Variants in NSUN7 observed in about 807,000 individuals in gnomAD.
NSUN7 encodes protein NSUN7.
NSUN7 carries 39 observed loss-of-function variants against 58.5 expected under a neutral mutation model. The ratio of observed to expected loss-of-function variants is 0.67; its 90% CI spans 0.52 to 0.87. The LOEUF is 0.87. Ranked by LOEUF, NSUN7 falls within the 40% of genes least tolerant of loss-of-function variation. The pLI is 0.00. For missense variants in NSUN7, 765 were observed against 844.1 expected (o/e 0.91, Z 1.16); for synonymous variants, 278 against 303.7 (o/e 0.92, Z 0.88).
intron 7 of NSUN7, 63 bp from the exon 8 acceptor site, chr4:40,790,539 C>A: frequency 9.7e-7 from 1 of 1,035,926 alleles, no homozygotes; most frequent in Non-Finnish European, 1.4e-6. Flanking sequence ...TAGATACAAT[C>A]ACATACTACA....
In NSUN7 at chr4:40,774,894, C is replaced by A; in HGVS notation, c.769C>A (p.Leu257Ile). 7.6e-7 allele frequency: 1 copy of A among 1,310,758 alleles called. No individual in the cohort carries two copies. The highest frequency in any genetic ancestry group is 1.1e-6 in the Non-Finnish European group (1 of 906,740). 81.2% of individuals were successfully genotyped at this position (1,310,758 alleles called of 1,614,324 possible). A position where few individuals can be genotyped will look rare whatever the true frequency, so the allele number is the denominator to read the frequency against. ...TGATGTCTTAATTTTTCCATCTCAT[C>A]TTAAAAATGATCTTATAAATATAGA... ...CYDVLIFPSHLKNDLINIDLF... is the reference protein window; with the variant it reads ...CYDVLIFPSHIKNDLINIDLF... Residue 257 changes from leucine (L) to isoleucine (I), a missense_variant, in exon 6 of 12, where the codon CTT (leucine) becomes ATT (isoleucine). Coordinates refer to ENST00000381782, the MANE Select transcript of NSUN7 (RefSeq NM_024677.6).
intron 7 of NSUN7, among the ~76,000 whole-genome samples, chr4:40,787,830 TTTTA>T (rs747547830): frequency 2.6e-5 from 4 of 152,186 alleles, no homozygotes; most frequent in Non-Finnish European, 4.4e-5. Flanking sequence ...TGCTCTTTCC[TTTTA>T]TTTATTTATT....
chr4:40,807,071 C>G lies in NSUN7; in HGVS notation c.1411C>G (p.Pro471Ala), dbSNP rs1441184203. 6 of 1,551,580 alleles carry G rather than the reference C, an allele frequency of 3.9e-6. No individual in the cohort carries two copies. Among genetic ancestry groups the G allele is most frequent in the Non-Finnish European group, 5.2e-6 (6 of 1,146,890 alleles). Residue 471 changes from proline to alanine, a missense_variant, in exon 11 of 12, where the codon CCT (proline) becomes GCT (alanine). Pro to Ala is a conservative substitution (Grantham distance 27). Transcript: ENST00000381782. The part of the protein sequence containing the change: ...NKGQPYRLSP[P>A]VLPLCSLKEI... ...TCCTGTCTGCTGCAGGCTTAGTCCT[C>G]CTGTTCTTCCACTGTGCTCCTTAAA...
chr4:40,779,817 A>G (rs1327248250), intron 7 of NSUN7, among the ~76,000 whole-genome samples: 1 of 152,210 alleles, frequency 6.6e-6, no homozygotes, highest in Non-Finnish European at 1.5e-5. Context: ...AATAGAATTA[A>G]TGTGTCCTAT....
intron 2 of NSUN7, among the ~76,000 whole-genome samples, chr4:40,752,178 G>T (rs1740868826): frequency 6.6e-6 from 1 of 152,210 alleles, no homozygotes; most frequent in Admixed American, 6.5e-5. Context: ...AAAATGATGA[G>T]CAGAAGCCTT....
At chr4:40,752,624 G>T (rs1341822555) in intron 2 of NSUN7, among the ~76,000 whole-genome samples, 1 of 152,032 alleles carries the variant, frequency 6.6e-6, no homozygotes, top group Non-Finnish European at 1.5e-5. Context: ...GTTTCACGGT[G>T]TTAGCCAGGA....
chr4:40,798,951 T>G, intron 10 of NSUN7, 47 bp downstream of exon 10: 1 of 946,606 alleles, frequency 1.1e-6, no homozygotes, highest in Non-Finnish European at 1.6e-6. Flanking sequence ...AAATATTTTT[T>G]AAAAGGAAAA....
chr4:40,756,724 G>A (rs1237417822), intron 2 of NSUN7, among the ~76,000 whole-genome samples: 1 of 152,154 alleles, frequency 6.6e-6, no homozygotes, highest in Non-Finnish European at 1.5e-5. Flanking sequence ...TTGTTGTGGA[G>A]ATTAAATGAA....
chr4:40,787,373 AAAAG>A (rs1262715133), intron 7 of NSUN7, among the ~76,000 whole-genome samples: 1 of 151,628 alleles, frequency 6.6e-6, no homozygotes, highest in Non-Finnish European at 1.5e-5. Context: ...AAATGTAAAA[AAAAG>A]AAAATATAAT....
rs560623090 is a variant in NSUN7, at chr4:40,795,332, TAGAA to T, written c.1282+859_1282+862del. On this transcript the variant is annotated intron_variant, in intron 9 of 11. Transcript: ENST00000381782. ...GGAGTAAAAGCAAAAAATAAGTAAA[TAGAA>T]AGCACAGAGGAGGCTTTTTCTTTTA... 7.9e-5 allele frequency among the ~76,000 whole-genome samples: 12 copies of T among 152,124 alleles called. No homozygotes were observed. In the East Asian group the frequency reaches 2.3e-3, roughly 29 times the overall value.
At chr4:40,805,751 G>A (rs1386800805) in intron 10 of NSUN7, among the ~76,000 whole-genome samples, 13 of 152,130 alleles carry the variant, frequency 8.5e-5, no homozygotes, top group African/African-American at 2.9e-4. Flanking sequence ...GGCCTGTGCT[G>A]GAGAGGCCTG....
chr4:40,776,325 T>C, intron 7 of NSUN7, 66 bp downstream of exon 7: 1 of 1,126,124 alleles, frequency 8.9e-7, no homozygotes, highest in East Asian at 2.4e-5. Flanking sequence ...GTTAAAAAGT[T>C]TTAATTTATT....
intron 10 of NSUN7, among the ~76,000 whole-genome samples, chr4:40,805,401 G>C (rs571539683): frequency 6.6e-6 from 1 of 152,026 alleles, no homozygotes; most frequent in Non-Finnish European, 1.5e-5. Context: ...TCCTTGTCCC[G>C]AGTTCCCCAA....
At chr4:40,800,416 T>G (rs1399630222) in intron 10 of NSUN7, among the ~76,000 whole-genome samples, 1 of 152,130 alleles carries the variant, frequency 6.6e-6, no homozygotes, top group Admixed American at 6.6e-5. Flanking sequence ...CTCAGCTCAC[T>G]GCAACTTCCA....
chr4:40,772,193 C>T (rs1420727717), intron 4 of NSUN7, among the ~76,000 whole-genome samples: 5 of 152,126 alleles, frequency 3.3e-5, no homozygotes, highest in South Asian at 2.1e-4. Context: ...CTCCCGTATA[C>T]ACAGCACATG....
At position 40,750,593 on chromosome 4, in the gene NSUN7, C is replaced by T; in HGVS notation, c.-91-10C>T. 5 of 1,397,692 alleles carry T rather than the reference C, an allele frequency of 3.6e-6. No homozygotes were observed. The highest frequency in any genetic ancestry group is 4.9e-6 in the Non-Finnish European group (5 of 1,018,332). 86.6% of individuals were successfully genotyped at this position (1,397,692 alleles called of 1,614,324 possible). On this transcript the variant is annotated splice_polypyrimidine_tract_variant and intron_variant, in intron 1 of 11. Transcript: ENST00000381782. ...GAGTGATTTACTGCAATCACCTTCTCTCTTCACAGAGACCATGCTGCAGAT... is the reference window on the plus strand; with the variant it reads ...GAGTGATTTACTGCAATCACCTTCTTTCTTCACAGAGACCATGCTGCAGAT...
intron 7 of NSUN7, among the ~76,000 whole-genome samples, chr4:40,777,488 C>G (rs1742326623): frequency 6.6e-6 from 1 of 152,110 alleles, no homozygotes; most frequent in South Asian, 2.1e-4. Flanking sequence ...TACTCGCCAA[C>G]ATGCCCCGCT....
At chr4:40,785,514 C>T (rs1742774404) in intron 7 of NSUN7, among the ~76,000 whole-genome samples, 1 of 152,138 alleles carries the variant, frequency 6.6e-6, no homozygotes. Context: ...CACGTGCCAC[C>T]ATGGCCAGCT....
chr4:40,797,811 C>G (rs1202352880), intron 9 of NSUN7, among the ~76,000 whole-genome samples: 1 of 152,172 alleles, frequency 6.6e-6, no homozygotes, highest in African/African-American at 2.4e-5. Flanking sequence ...TTCCGGTGGC[C>G]CACAAGTCCC....
Sources: gnomAD v4.1 joint callset for allele counts (sites outside exome capture counted in the v4.1 genomes callset) on GRCh38, gnomAD v4.1.1 for gene constraint, MANE v1.5 for transcripts, NCBI Gene and HGNC (gene_info 2026-07-23, HGNC 2026-07-21) for gene names.